Variants in ZMAT4 observed in about 807,000 individuals in gnomAD.
ZMAT4 encodes zinc finger matrin-type 4.
In ZMAT4, 17 loss-of-function variants were observed where a neutral mutation model predicts 28.7. The ratio of observed to expected loss-of-function variants is 0.59; its 90% CI spans 0.41 to 0.89. The LOEUF (loss-of-function observed/expected upper bound fraction) is 0.89, where lower values mean the gene tolerates loss of function less well. Ranked by LOEUF, ZMAT4 falls within the 40% of genes least tolerant of loss-of-function variation. The pLI, the probability that ZMAT4 is intolerant of heterozygous loss-of-function variation, is 0.00. For missense variants in ZMAT4, 240 were observed against 283.8 expected (o/e 0.85, Z 1.11); for synonymous variants, 117 against 109.2 (o/e 1.07, Z -0.44).
At chr8:40,857,410 C>T (rs897408287) in intron 1 of ZMAT4, among the ~76,000 whole-genome samples, 4 of 151,726 alleles carry the variant, frequency 2.6e-5, no homozygotes, top group African/African-American at 9.7e-5. Context: ...GTCTAAGAGA[C>T]AATGTCAAGA....
At position 40,827,729 on chromosome 8, in the gene ZMAT4, C is replaced by T. The variant is rs1816120551; in HGVS notation, c.-4-2049G>A. 2.0e-5 allele frequency among the ~76,000 whole-genome samples: 3 copies of T among 152,180 alleles called. No homozygotes were observed. The South Asian group carries it at 6.2e-4, about 31-fold the overall frequency. On this transcript the variant is annotated intron_variant, in intron 1 of 6. Transcript: ENST00000297737. ...ATGGGCCTGTTATTTCAAAAAGGAC[C>T]ACACCTGGCAGGTGGCCCAATTGGC...
chr8:40,584,511 A>C (rs1011468019), intron 5 of ZMAT4, among the ~76,000 whole-genome samples: 1 of 152,224 alleles, frequency 6.6e-6, no homozygotes, highest in African/African-American at 2.4e-5. Flanking sequence ...ACAAGTAGCA[A>C]AGGACTCTAC....
At chr8:40,660,267 T>G (rs2589893) in intron 5 of ZMAT4, among the ~76,000 whole-genome samples, 53,374 of 152,120 alleles carry the variant, frequency 0.35, 10,033 homozygotes, top group Middle Eastern at 0.43. Flanking sequence ...GCTGCAATAT[T>G]TGTAAAGAAA....
chr8:40,731,893 A>T (rs1467078185), intron 3 of ZMAT4, among the ~76,000 whole-genome samples: 1 of 152,248 alleles, frequency 6.6e-6, no homozygotes, highest in African/African-American at 2.4e-5. Flanking sequence ...TCTAGCCTTT[A>T]AAAAGAAGGA....
intron 3 of ZMAT4, among the ~76,000 whole-genome samples, chr8:40,764,750 G>C (rs1276866257): frequency 1.3e-5 from 2 of 152,146 alleles, no homozygotes; most frequent in Non-Finnish European, 2.9e-5. Context: ...AATACATGCA[G>C]AAAGTGCTTT....
chr8:40,585,604 TA>T lies in ZMAT4; in HGVS notation c.578-4344del, dbSNP rs979874609. Among the ~76,000 whole-genome samples the T allele has an allele frequency of 2.0e-5, 3 of 152,200 alleles. No homozygotes were observed. In the East Asian group the frequency reaches 5.8e-4, roughly 29 times the overall value. The stretch of plus-strand genomic sequence containing the variant: ...GACCTTTAAAAAAAAAGCTATTCCA[TA>T]AAAAAGTGCTATAGTTATACTGACT... On this transcript the variant is annotated intron_variant, in intron 5 of 6. Coordinates refer to ENST00000297737, the MANE Select transcript of ZMAT4 (RefSeq NM_024645.3).
intron 1 of ZMAT4, among the ~76,000 whole-genome samples, chr8:40,834,004 C>T (rs535576305): frequency 4.6e-5 from 7 of 152,352 alleles, no homozygotes; most frequent in African/African-American, 1.7e-4. Context: ...CCTTCTCCTG[C>T]CTGGCGTTGC....
At chr8:40,730,310 A>T (rs1585954855) in intron 3 of ZMAT4, among the ~76,000 whole-genome samples, 1 of 152,334 alleles carries the variant, frequency 6.6e-6, no homozygotes, top group East Asian at 1.9e-4. Flanking sequence ...TTTACTAATG[A>T]TTTCACATAT....
At chr8:40,838,136 T>A (rs1244874709) in intron 1 of ZMAT4, among the ~76,000 whole-genome samples, 5 of 152,138 alleles carry the variant, frequency 3.3e-5, no homozygotes, top group Non-Finnish European at 7.4e-5. Flanking sequence ...GAGGCACACA[T>A]CTCATCACTC....
At chr8:40,812,411 C>T (rs1488528524) in intron 2 of ZMAT4, among the ~76,000 whole-genome samples, 2 of 152,178 alleles carry the variant, frequency 1.3e-5, no homozygotes, top group African/African-American at 2.4e-5. Flanking sequence ...AAACATCAAA[C>T]GTATCTCGGC....
At chr8:40,789,505 G>A (rs1814235665) in intron 2 of ZMAT4, among the ~76,000 whole-genome samples, 1 of 151,948 alleles carries the variant, frequency 6.6e-6, no homozygotes, top group African/African-American at 2.4e-5. Context: ...AACACAACAG[G>A]GTGACTAGAG....
At chr8:40,565,525 C>T (rs569334210) in intron 6 of ZMAT4, among the ~76,000 whole-genome samples, 4 of 151,756 alleles carry the variant, frequency 2.6e-5, no homozygotes, top group South Asian at 2.1e-4. Context: ...TACAGACATC[C>T]GCCACCACGC....
intron 1 of ZMAT4, among the ~76,000 whole-genome samples, chr8:40,879,475 A>G (rs1360640210): frequency 1.3e-5 from 2 of 152,148 alleles, no homozygotes; most frequent in Non-Finnish European, 2.9e-5. Flanking sequence ...AACATTTGTT[A>G]TTTCCATGTG....
chr8:40,874,991 GC>G (rs939152837), intron 1 of ZMAT4, among the ~76,000 whole-genome samples: 8 of 152,106 alleles, frequency 5.3e-5, no homozygotes, highest in Admixed American at 3.9e-4. Flanking sequence ...GCAGGTGAAA[GC>G]CCCCCCAAAA....
intron 1 of ZMAT4, among the ~76,000 whole-genome samples, chr8:40,860,561 G>T (rs1443353045): frequency 1.3e-5 from 2 of 152,306 alleles, no homozygotes; most frequent in South Asian, 4.1e-4. Flanking sequence ...GGTGAGAATA[G>T]CACCCAGCCA....
chr8:40,703,628 C>T (rs1182144966), intron 3 of ZMAT4, among the ~76,000 whole-genome samples: 2 of 152,076 alleles, frequency 1.3e-5, no homozygotes, highest in South Asian at 2.1e-4. Flanking sequence ...GGAGTGATTG[C>T]TAATGGGTAA....
At chr8:40,820,640 G>A in intron 2 of ZMAT4, among the ~76,000 whole-genome samples, 1 of 99,526 alleles carries the variant, frequency 1.0e-5, no homozygotes, top group South Asian at 4.1e-4. Context: ...GTGTGGGAGT[G>A]TCTCGGGCAT....
At chr8:40,659,035 T>G (rs1294587821) in intron 5 of ZMAT4, among the ~76,000 whole-genome samples, 6 of 152,166 alleles carry the variant, frequency 3.9e-5, no homozygotes, top group Non-Finnish European at 5.9e-5. Context: ...AAGACGTGGT[T>G]GCAGCAATGG....
chr8:40,532,369 G>A (rs1346892964), intron 6 of ZMAT4, 131 bp from the exon 7 acceptor site: 2 of 645,934 alleles, frequency 3.1e-6, no homozygotes, highest in Non-Finnish European at 4.8e-6. Flanking sequence ...AAATGCATCT[G>A]AATTTGTAAA....
Sources: gnomAD v4.1 joint callset for allele counts (sites outside exome capture counted in the v4.1 genomes callset) on GRCh38, gnomAD v4.1.1 for gene constraint, MANE v1.5 for transcripts, NCBI Gene and HGNC (gene_info 2026-07-23, HGNC 2026-07-21) for gene names.